RNF157: variants seen among roughly 807,000 people sequenced by gnomAD.
RNF157 encodes ring finger protein 157.
Under a neutral mutation model 88.3 loss-of-function variants are expected in RNF157, and 55 were observed. That is an observed-to-expected ratio of 0.62 (90% confidence interval 0.50 to 0.78). The LOEUF is 0.78. Among genes scored for constraint, RNF157 ranks in the 30% least tolerant of loss-of-function variants. The probability of loss-of-function intolerance (pLI) is 0.00; values close to 1 mark genes in which losing one functional copy is unlikely to be tolerated. For synonymous variants in RNF157, 334 were observed against 341.2 expected (o/e 0.98, Z 0.23); for missense variants, 788 against 860.8 (o/e 0.92, Z 1.06).
chr17:76,172,636 C>T (rs2069035258), intron 3 of RNF157, among the ~76,000 whole-genome samples: 1 of 125,634 alleles, frequency 8.0e-6, no homozygotes, highest in South Asian at 2.4e-4. Context: ...AAAAAAAAGG[C>T]GAGACTCTGT....
At chr17:76,206,237 A>G (rs2069680298) in intron 2 of RNF157, among the ~76,000 whole-genome samples, 1 of 151,864 alleles carries the variant, frequency 6.6e-6, no homozygotes, top group Admixed American at 6.6e-5. Flanking sequence ...TCTCAAAAGG[A>G]AAAAAAAGGC....
chr17:76,198,357 T>C (rs947186815), intron 2 of RNF157, among the ~76,000 whole-genome samples: 3 of 152,168 alleles, frequency 2.0e-5, no homozygotes, highest in African/African-American at 7.2e-5. Context: ...AGGGGGGTTC[T>C]TGGGAGCTTG....
chr17:76,226,583 T>C, intron 1 of RNF157: 1 of 1,613,554 alleles, frequency 6.2e-7, no homozygotes, highest in South Asian at 1.1e-5. Flanking sequence ...GGCATCCTCC[T>C]TGCTGTTGTT....
rs537206784 is a variant in RNF157, at chr17:76,144,324, CT to C, written c.*910del. ...GGATTCTCAGATTCAAGGGCTCCTT[CT>C]TTTTTTTTTTTTTTCTCTGTCGCCC... On this transcript the variant is annotated 3_prime_UTR_variant, in exon 19 of 19. Transcript: ENST00000269391. 839 of 139,400 alleles carry C rather than the reference CT, an allele frequency of 6.0e-3. 1 individual carries two copies. The highest frequency in any genetic ancestry group is 0.015 in the Middle Eastern group (4 of 268). 8.6% of individuals were successfully genotyped at this position (139,400 alleles called of 1,614,324 possible). A position where few individuals can be genotyped will look rare whatever the true frequency, so the allele number is the denominator to read the frequency against.
chr17:76,206,209 C>G (rs2069679662), intron 2 of RNF157, among the ~76,000 whole-genome samples: 1 of 151,836 alleles, frequency 6.6e-6, no homozygotes, highest in African/African-American at 2.4e-5. Context: ...TCAGCTTGGG[C>G]AACAGGGCAA....
chr17:76,202,190 C>A (rs918332396), intron 2 of RNF157, among the ~76,000 whole-genome samples: 2 of 151,534 alleles, frequency 1.3e-5, no homozygotes, highest in Non-Finnish European at 2.9e-5. Context: ...GAAAGACACC[C>A]GTTCCCACCA....
At chr17:76,239,542 C>CT (rs2145097868) in intron 1 of RNF157, among the ~76,000 whole-genome samples, 1 of 147,616 alleles carries the variant, frequency 6.8e-6, no homozygotes, top group South Asian at 2.2e-4. Flanking sequence ...CACCACCACC[C>CT]CCCCCACCCC....
At position 76,160,653 on chromosome 17, in the gene RNF157, A is replaced by C. The variant is rs2068833777; in HGVS notation, c.1065+882T>G. Among the ~76,000 whole-genome samples, 1 of 152,088 alleles carries C rather than the reference A, an allele frequency of 6.6e-6. No individual in the cohort carries two copies. Reference sequence around the variant, plus strand: ...GGCAAAGACATTAGCTTTTCCTCTGATACACACATTGTAAATAGTTTTTAA... The same window carrying C: ...GGCAAAGACATTAGCTTTTCCTCTGCTACACACATTGTAAATAGTTTTTAA... On this transcript the variant is annotated intron_variant, in intron 11 of 18. Transcript: ENST00000269391. This position sits in a 1 kb window ranked among gnomAD's most constrained non-coding sequence, Gnocchi z 4.3.
chr17:76,179,325 T>C (rs1361533371), intron 2 of RNF157, among the ~76,000 whole-genome samples: 2 of 152,028 alleles, frequency 1.3e-5, no homozygotes, highest in African/African-American at 2.4e-5. Flanking sequence ...GCCCAGGAGA[T>C]TGAGGCTGCA....
intron 1 of RNF157, among the ~76,000 whole-genome samples, chr17:76,214,804 C>T (rs1450187257): frequency 1.3e-5 from 2 of 152,120 alleles, no homozygotes; most frequent in Non-Finnish European, 2.9e-5. Flanking sequence ...GGCCAAAATT[C>T]CCATCAGCCT....
At chr17:76,215,271 A>G (rs1236411704) in intron 1 of RNF157, among the ~76,000 whole-genome samples, 1 of 152,114 alleles carries the variant, frequency 6.6e-6, no homozygotes. Flanking sequence ...TAGCAAGCTT[A>G]GCAAGACCTT....
At chr17:76,158,361 A>C in intron 13 of RNF157, 32 bp downstream of exon 13, 4 of 1,464,884 alleles carry the variant, frequency 2.7e-6, no homozygotes, top group Non-Finnish European at 3.8e-6. Flanking sequence ...CTGGAGTACA[A>C]CACCCAAGAA....
intron 17 of RNF157, chr17:76,154,032 T>C (rs754706): frequency 0.26 from 123,182 of 477,598 alleles, 16,440 homozygotes; most frequent in African/African-American, 0.3. Context: ...AATATGGACC[T>C]GTATGTATCT....
intron 13 of RNF157, 136 bp downstream of exon 13, chr17:76,158,257 C>A: frequency 2.9e-6 from 2 of 679,944 alleles, no homozygotes; most frequent in South Asian, 1.6e-5. Flanking sequence ...TCCAGTGAAA[C>A]CTTTGCCACT....
chr17:76,216,639 T>C (rs1204466188), intron 1 of RNF157, among the ~76,000 whole-genome samples: 1 of 151,948 alleles, frequency 6.6e-6, no homozygotes, highest in Non-Finnish European at 1.5e-5. Flanking sequence ...AGTAGAGTAT[T>C]ATGAAGCCTT....
At position 76,223,445 on chromosome 17, in the gene RNF157, C is replaced by T. The variant is rs546256925; in HGVS notation, c.89-10963G>A. 2.6e-5 allele frequency among the ~76,000 whole-genome samples: 4 copies of T among 152,254 alleles called. No individual in the cohort carries two copies. In the East Asian group the frequency reaches 7.7e-4, roughly 29 times the overall value. Reference sequence around the variant, plus strand: ...TCAGGTGATCCATCCGCCTCGGCCTCCCAAAGTGCTGGGATTACAGGCATG... The same window carrying T: ...TCAGGTGATCCATCCGCCTCGGCCTTCCAAAGTGCTGGGATTACAGGCATG... On this transcript the variant is annotated intron_variant, in intron 1 of 18. Transcript: ENST00000269391.
intron 6 of RNF157, 138 bp from the exon 7 acceptor site, chr17:76,165,683 CT>C (rs35164451): frequency 0.062 from 38,128 of 613,428 alleles, no homozygotes; most frequent in South Asian, 0.092. Flanking sequence ...ATAACCCATA[CT>C]TTTTTTTTTT....
At chr17:76,175,088 T>C (rs1053189525) in intron 2 of RNF157, among the ~76,000 whole-genome samples, 1 of 152,218 alleles carries the variant, frequency 6.6e-6, no homozygotes, top group Non-Finnish European at 1.5e-5. Flanking sequence ...CGTCTATCCA[T>C]CCATCCTGTC....
intron 2 of RNF157, among the ~76,000 whole-genome samples, chr17:76,189,845 T>C (rs565207689): frequency 4.6e-5 from 6 of 129,512 alleles, no homozygotes; most frequent in Admixed American, 3.8e-4. Flanking sequence ...CAAAAACAAC[T>C]GAAGGCTGAA....
Sources: gnomAD v4.1 joint callset for allele counts (sites outside exome capture counted in the v4.1 genomes callset) on GRCh38, gnomAD v4.1.1 for gene constraint, Gnocchi (gnomAD v3.1) non-coding constraint, MANE v1.5 for transcripts, NCBI Gene and HGNC (gene_info 2026-07-23, HGNC 2026-07-21) for gene names.